ARHGEF28: variants seen among roughly 807,000 people sequenced by gnomAD.
ARHGEF28 encodes Rho guanine nucleotide exchange factor 28.
Under a neutral mutation model 206.6 loss-of-function variants are expected in ARHGEF28, and 152 were observed. The observed-to-expected ratio is 0.74, with a 90% CI of 0.64 to 0.84. The LOEUF is 0.84. ARHGEF28 is among the 40% of genes least tolerant of loss of function. The pLI, the probability that ARHGEF28 is intolerant of heterozygous loss-of-function variation, is 0.00. For missense variants in ARHGEF28, 2,028 were observed against 2,073.2 expected (o/e 0.98, Z 0.42); for synonymous variants, 763 against 776.4 (o/e 0.98, Z 0.29).
rs146483481 is a variant in ARHGEF28 at position 73,633,127 on chromosome 5, A to G, written c.-12+6805A>G. Among the ~76,000 whole-genome samples the G allele has an allele frequency of 2.7e-3, 410 of 152,180 alleles. 1 individual carries two copies. Among genetic ancestry groups the G allele is most frequent in the Admixed American group, 5.3e-3 (81 of 15,292 alleles). Reference sequence around the variant, plus strand: ...AGTGTTCGCATTCCTATGAGAATCTAATGTTGCCACTGCTCGGACGGGAGG... The same window carrying G: ...AGTGTTCGCATTCCTATGAGAATCTGATGTTGCCACTGCTCGGACGGGAGG... On this transcript the variant is annotated intron_variant, in intron 1 of 35. Coordinates refer to ENST00000513042, the MANE Select transcript of ARHGEF28 (RefSeq NM_001177693.2).
intron 11 of ARHGEF28, 97 bp from the exon 12 acceptor site, chr5:73,846,171 C>CG: frequency 8.8e-7 from 1 of 1,133,542 alleles, no homozygotes; most frequent in Admixed American, 2.1e-5. Context: ...GCACCCCCCC[C>CG]GCCCCAGTGA....
intron 14 of ARHGEF28, among the ~76,000 whole-genome samples, chr5:73,854,346 C>T (rs1758886189): frequency 1.3e-5 from 2 of 152,206 alleles, no homozygotes; most frequent in African/African-American, 4.8e-5. Context: ...CTTGCAGGCT[C>T]ATTTCAGCAG....
At chr5:73,914,899 C>T (rs549587942) in intron 35 of ARHGEF28, among the ~76,000 whole-genome samples, 1 of 152,128 alleles carries the variant, frequency 6.6e-6, no homozygotes, top group Non-Finnish European at 1.5e-5. Context: ...TTGCACTATG[C>T]CCAGCTAATT....
chr5:73,708,899 C>T (rs970192368), intron 2 of ARHGEF28, among the ~76,000 whole-genome samples: 9 of 152,128 alleles, frequency 5.9e-5, no homozygotes, highest in Non-Finnish European at 1.2e-4. Flanking sequence ...TAATAGTAGC[C>T]ATTCTGACTG....
At chr5:73,748,209 T>C (rs1167244225) in intron 2 of ARHGEF28, among the ~76,000 whole-genome samples, 1 of 152,156 alleles carries the variant, frequency 6.6e-6, no homozygotes, top group African/African-American at 2.4e-5. Context: ...CAGATCTCCT[T>C]CCTGAACTTT....
chr5:73,864,297 G>A (rs1759573915), intron 16 of ARHGEF28, among the ~76,000 whole-genome samples: 1 of 152,140 alleles, frequency 6.6e-6, no homozygotes, highest in Non-Finnish European at 1.5e-5. Context: ...ATGGGCACAG[G>A]GCTAACATTT....
At chr5:73,742,692 C>T (rs995374436) in intron 2 of ARHGEF28, among the ~76,000 whole-genome samples, 110 of 150,874 alleles carry the variant, frequency 7.3e-4, no homozygotes, top group Non-Finnish European at 1.4e-3. Context: ...GGCGCGGTGG[C>T]GGGCGCCTGT....
chr5:73,791,571 A>T (rs984899516), intron 7 of ARHGEF28, among the ~76,000 whole-genome samples: 1 of 152,200 alleles, frequency 6.6e-6, no homozygotes, highest in Non-Finnish European at 1.5e-5. Context: ...TTTTGGTTGT[A>T]AGCTTTTTTA....
At chr5:73,633,146 C>T (rs567064581) in intron 1 of ARHGEF28, among the ~76,000 whole-genome samples, 5 of 152,166 alleles carry the variant, frequency 3.3e-5, no homozygotes, top group Admixed American at 6.5e-5. Context: ...ACTGCTCGGA[C>T]GGGAGGTGGA....
intron 4 of ARHGEF28, among the ~76,000 whole-genome samples, chr5:73,769,806 A>T (rs1384681005): frequency 1.3e-5 from 2 of 152,118 alleles, no homozygotes; most frequent in African/African-American, 4.8e-5. Flanking sequence ...TAATTATTTA[A>T]CCTATTTTAT....
intron 9 of ARHGEF28, among the ~76,000 whole-genome samples, chr5:73,809,373 A>G (rs1755704413): frequency 1.3e-5 from 2 of 152,210 alleles, no homozygotes; most frequent in Admixed American, 1.3e-4. Flanking sequence ...CCTTTAAAGT[A>G]TAGATATGAT....
chr5:73,913,656 G>A (rs1387222033), intron 35 of ARHGEF28, among the ~76,000 whole-genome samples: 1 of 152,188 alleles, frequency 6.6e-6, no homozygotes. Flanking sequence ...CAGCTGATGT[G>A]CCAGAACCAA....
At chr5:73,736,018 G>A (rs754077688) in intron 2 of ARHGEF28, among the ~76,000 whole-genome samples, 5 of 152,032 alleles carry the variant, frequency 3.3e-5, no homozygotes, top group Admixed American at 6.5e-5. Flanking sequence ...TGTGAGCTCC[G>A]TGAAGAAAGA....
chr5:73,746,502 G>T (rs1405241932), intron 2 of ARHGEF28, among the ~76,000 whole-genome samples: 1 of 152,004 alleles, frequency 6.6e-6, no homozygotes, highest in East Asian at 1.9e-4. Context: ...ATGAAAAAAG[G>T]TTGATAGTTT....
At chr5:73,824,149 A>G (rs1407474397) in intron 9 of ARHGEF28, among the ~76,000 whole-genome samples, 2 of 152,138 alleles carry the variant, frequency 1.3e-5, no homozygotes, top group Non-Finnish European at 2.9e-5. Context: ...TGATCATCCC[A>G]TTATTTTGTT....
Position 73,940,953 on chromosome 5 carries a change from A to T in ARHGEF28, c.5058A>T (p.Thr1686=). The change falls in exon 36 of 36, where the codon ACA becomes ACT. Residue 1686 remains threonine (T), a synonymous_variant. Coordinates refer to ENST00000513042, the MANE Select transcript of ARHGEF28 (RefSeq NM_001177693.2). The part of the protein sequence containing the change: ...TEAKLNLPTR[T]MTRQDGETGD... Reference sequence around the variant, plus strand: ...CAAAGCTAAATCTACCGACAAGGACAATGACCAGACAAGATGGGGAAACTG... The same window carrying T: ...CAAAGCTAAATCTACCGACAAGGACTATGACCAGACAAGATGGGGAAACTG... The T allele has an allele frequency of 6.5e-7, 1 of 1,534,560 alleles. No homozygotes were observed. The highest frequency in any genetic ancestry group is 8.7e-7 in the Non-Finnish European group (1 of 1,146,592).
chr5:73,695,537 T>C (rs1326774664), intron 2 of ARHGEF28, among the ~76,000 whole-genome samples: 1 of 152,212 alleles, frequency 6.6e-6, no homozygotes, highest in Non-Finnish European at 1.5e-5. Flanking sequence ...CAGACTGTTA[T>C]ATTTTTTAAA....
At chr5:73,737,187 A>C (rs893752959) in intron 2 of ARHGEF28, among the ~76,000 whole-genome samples, 3 of 151,816 alleles carry the variant, frequency 2.0e-5, no homozygotes, top group Admixed American at 6.6e-5. Context: ...CAAAGTTTAA[A>C]TTCTTTTCTG....
chr5:73,749,276 G>C lies in ARHGEF28; in HGVS notation c.34-561G>C, dbSNP rs143563515. Among the ~76,000 whole-genome samples, 699 of 152,336 alleles carry C rather than the reference G, an allele frequency of 4.6e-3. 7 individuals are homozygous for C. The highest frequency in any genetic ancestry group is 0.016 in the African/African-American group (656 of 41,576). On this transcript the variant is annotated intron_variant, in intron 2 of 35. Coordinates refer to ENST00000513042, the MANE Select transcript of ARHGEF28 (RefSeq NM_001177693.2). The stretch of plus-strand genomic sequence containing the variant: ...TGGTCTAGCACAGGGTGAGGCCAGA[G>C]CTAAGAATAATTATCATGAACTTTT...
Sources: gnomAD v4.1 joint callset for allele counts (sites outside exome capture counted in the v4.1 genomes callset) on GRCh38, gnomAD v4.1.1 for gene constraint, MANE v1.5 for transcripts, NCBI Gene and HGNC (gene_info 2026-07-23, HGNC 2026-07-21) for gene names.